NRG1: variants seen among roughly 807,000 people sequenced by gnomAD.
NRG1 encodes pro-neuregulin-1, membrane-bound isoform.
In NRG1, 18 loss-of-function variants were observed where a neutral mutation model predicts 63.8. That is an observed-to-expected ratio of 0.28 (90% confidence interval 0.19 to 0.42). The LOEUF (loss-of-function observed/expected upper bound fraction) is 0.42, where lower values mean the gene tolerates loss of function less well. NRG1 is among the 10% of genes least tolerant of loss of function. The pLI, the probability that NRG1 is intolerant of heterozygous loss-of-function variation, is 1.00. For synonymous variants in NRG1, 302 were observed against 301.3 expected (o/e 1.00, Z -0.02); for missense variants, 762 against 814.7 (o/e 0.94, Z 0.79).
At chr8:31,898,022 A>AG (rs1831733745) in intron 1 of NRG1, among the ~76,000 whole-genome samples, 1 of 150,964 alleles carries the variant, frequency 6.6e-6, no homozygotes, top group Admixed American at 6.6e-5. Context: ...TATCTCAAAA[A>AG]AAAAAAAAAA....
chr8:32,519,137 T>C (rs371148532), intron 1 of NRG1, among the ~76,000 whole-genome samples: 1 of 152,196 alleles, frequency 6.6e-6, no homozygotes, highest in African/African-American at 2.4e-5. Context: ...AAAGTTGCCA[T>C]ATAATGTGGC....
chr8:32,530,974 T>A (rs1404768221), intron 1 of NRG1, among the ~76,000 whole-genome samples: 1 of 152,136 alleles, frequency 6.6e-6, no homozygotes, highest in Non-Finnish European at 1.5e-5. Flanking sequence ...GGGAAGCACC[T>A]GTAATTCCAG....
At chr8:32,571,115 T>C (rs1244069087) in intron 1 of NRG1, among the ~76,000 whole-genome samples, 1 of 152,186 alleles carries the variant, frequency 6.6e-6, no homozygotes, top group Non-Finnish European at 1.5e-5. Context: ...GAACTTGTTA[T>C]AGTCTTCATA....
intron 1 of NRG1, among the ~76,000 whole-genome samples, chr8:32,182,553 G>T (rs1039777024): frequency 4.6e-5 from 7 of 152,116 alleles, no homozygotes; most frequent in African/African-American, 1.4e-4. Context: ...GGCCCCACAG[G>T]CTTCACAGTC....
At chr8:31,668,149 G>A (rs1048268996) in intron 1 of NRG1, among the ~76,000 whole-genome samples, 1 of 152,164 alleles carries the variant, frequency 6.6e-6, no homozygotes, top group Non-Finnish European at 1.5e-5. Context: ...ACATTACGAA[G>A]CTACCAGATT....
intron 1 of NRG1, among the ~76,000 whole-genome samples, chr8:32,100,903 C>G (rs1830488542): frequency 6.6e-6 from 1 of 152,082 alleles, no homozygotes; most frequent in Non-Finnish European, 1.5e-5. Context: ...GTATTTTGAG[C>G]TTATCACCAC....
chr8:31,829,293 G>A (rs1824878586), intron 1 of NRG1, among the ~76,000 whole-genome samples: 1 of 152,148 alleles, frequency 6.6e-6, no homozygotes, highest in Non-Finnish European at 1.5e-5. Flanking sequence ...TTCACTTCTG[G>A]CACCTTCATT....
chr8:32,571,515 A>C (rs1489491100), intron 1 of NRG1, among the ~76,000 whole-genome samples: 1 of 149,340 alleles, frequency 6.7e-6, no homozygotes, highest in African/African-American at 2.5e-5. Context: ...GTCTCTTCCC[A>C]CCTCCCCAGC....
intron 1 of NRG1, among the ~76,000 whole-genome samples, chr8:31,649,521 A>G (rs991257796): frequency 6.6e-6 from 1 of 152,246 alleles, no homozygotes; most frequent in Non-Finnish European, 1.5e-5. Context: ...AGTTCTCAGA[A>G]AAGAGAGGTG....
chr8:32,588,759 A>C (rs1009962737), intron 1 of NRG1, among the ~76,000 whole-genome samples: 1 of 152,198 alleles, frequency 6.6e-6, no homozygotes, highest in Non-Finnish European at 1.5e-5. Context: ...GGTTGGATTT[A>C]GTTTGCTGCC....
At chr8:32,241,994 C>T (rs1452654604) in intron 1 of NRG1, among the ~76,000 whole-genome samples, 1 of 152,092 alleles carries the variant, frequency 6.6e-6, no homozygotes. Context: ...CTCAAGAAAT[C>T]CTTCAGACTT....
At chr8:31,705,555 TAA>T (rs1811068927) in intron 1 of NRG1, among the ~76,000 whole-genome samples, 2 of 152,200 alleles carry the variant, frequency 1.3e-5, no homozygotes, top group African/African-American at 4.8e-5. Context: ...AAATTGTAGA[TAA>T]TTAATGTTGT....
At chr8:32,569,172 C>G (rs1838041575) in intron 1 of NRG1, among the ~76,000 whole-genome samples, 1 of 152,104 alleles carries the variant, frequency 6.6e-6, no homozygotes, top group Non-Finnish European at 1.5e-5. Flanking sequence ...GCCTCAGGCT[C>G]CCAAGTAGCT....
intron 1 of NRG1, among the ~76,000 whole-genome samples, chr8:32,492,210 T>C (rs1328398850): frequency 1.3e-5 from 2 of 152,166 alleles, no homozygotes; most frequent in Non-Finnish European, 2.9e-5. Flanking sequence ...GTTGAGCACA[T>C]GCTCAAGGTG....
intron 5 of NRG1, among the ~76,000 whole-genome samples, chr8:32,710,760 C>T (rs924472329): frequency 6.6e-6 from 1 of 152,242 alleles, no homozygotes; most frequent in East Asian, 1.9e-4. Flanking sequence ...TCTAACTACT[C>T]AAGATCAGTT....
chr8:31,742,077 G>A (rs138883774), intron 1 of NRG1, among the ~76,000 whole-genome samples: 27 of 152,122 alleles, frequency 1.8e-4, no homozygotes, highest in African/African-American at 6.5e-4. Context: ...AAAATGCTAA[G>A]AGGAAAGTGC....
intron 1 of NRG1, among the ~76,000 whole-genome samples, chr8:32,219,767 T>G (rs1490441643): frequency 6.6e-6 from 1 of 152,208 alleles, no homozygotes; most frequent in Non-Finnish European, 1.5e-5. Context: ...GGTTAGATCC[T>G]GTGAAGTTGT....
At chr8:31,659,373 A>G (rs966293227) in intron 1 of NRG1, among the ~76,000 whole-genome samples, 6 of 152,198 alleles carry the variant, frequency 3.9e-5, no homozygotes, top group African/African-American at 1.4e-4. Flanking sequence ...ATGAGCAATA[A>G]TGAAATACCA....
rs544672150 is a variant in NRG1 at position 32,455,416 on chromosome 8, T to C, written c.38-140412T>C. Among the ~76,000 whole-genome samples the C allele has an allele frequency of 1.1e-4, 16 of 152,322 alleles. No individual in the cohort carries two copies. In the East Asian group the frequency reaches 2.7e-3, roughly 26 times the overall value. ...GAAGTTACAATAGAGTAATTCCAAATTATCTTTCATGGAATCAAATCCCTG... is the reference window on the plus strand; with the variant it reads ...GAAGTTACAATAGAGTAATTCCAAACTATCTTTCATGGAATCAAATCCCTG... On this transcript the variant is annotated intron_variant, in intron 1 of 10. Transcript: ENST00000519301.
Sources: gnomAD v4.1 joint callset for allele counts (sites outside exome capture counted in the v4.1 genomes callset) on GRCh38, gnomAD v4.1.1 for gene constraint, MANE v1.5 for transcripts, NCBI Gene and HGNC (gene_info 2026-07-23, HGNC 2026-07-21) for gene names.